The following LGSN variants were observed in gnomAD, a reference collection of about 807,000 sequenced individuals.
LGSN encodes the protein lengsin.
LGSN carries 21 observed loss-of-function variants against 19.5 expected under a neutral mutation model. That is an observed-to-expected ratio of 1.07 (90% CI 0.76 to 1.55). The LOEUF is 1.55. LGSN is among the 40% of genes most tolerant of loss of function. The probability of loss-of-function intolerance (pLI) is 0.00; values close to 1 mark genes in which losing one functional copy is unlikely to be tolerated. For synonymous variants in LGSN, 257 were observed against 215.6 expected, an observed-to-expected ratio of 1.19 and a Z score of -1.68; for missense variants, 673 against 608.5, an observed-to-expected ratio of 1.11 and a Z score of -1.12.
At chr6:63,388,618 C>T in the LGSN span, among the ~76,000 whole-genome samples, 2 of 152,174 alleles carry the variant, frequency 1.3e-5, no homozygotes, top group Non-Finnish European at 2.9e-5. Flanking sequence ...ACCCTGCCAA[C>T]ACCTTCATCT....
At chr6:63,503,121 T>C in the LGSN span, among the ~76,000 whole-genome samples, 2 of 152,230 alleles carry the variant, frequency 1.3e-5, no homozygotes, top group African/African-American at 2.4e-5. Flanking sequence ...TCATCATGAG[T>C]AAATTTTTTT....
intron 1 of LGSN, among the ~76,000 whole-genome samples, chr6:63,308,528 A>G (rs1436055303): frequency 6.6e-6 from 1 of 152,128 alleles, no homozygotes; most frequent in Non-Finnish European, 1.5e-5. Flanking sequence ...TTCCAATATA[A>G]TAATGAGTTA....
At chr6:63,327,416 C>A in the LGSN span, among the ~76,000 whole-genome samples, 4 of 152,172 alleles carry the variant, frequency 2.6e-5, no homozygotes, top group South Asian at 2.1e-4. Context: ...ATTTCGGAAG[C>A]CTTTTCCTGT....
chr6:63,550,674 G>A, the LGSN span, among the ~76,000 whole-genome samples: 1 of 152,132 alleles, frequency 6.6e-6, no homozygotes, highest in East Asian at 1.9e-4. Flanking sequence ...GCCCAGGCTG[G>A]AGTGCAGTGG....
the LGSN span, among the ~76,000 whole-genome samples, chr6:63,349,792 A>C: frequency 2.9e-3 from 449 of 152,328 alleles, 3 homozygotes; most frequent in African/African-American, 0.01. Flanking sequence ...GATGAGATGT[A>C]CTAACGACGT....
chr6:63,537,965 C>T, the LGSN span, among the ~76,000 whole-genome samples: 3 of 152,192 alleles, frequency 2.0e-5, no homozygotes, highest in African/African-American at 7.2e-5. Flanking sequence ...GTGTCACAGA[C>T]AAATTTCACT....
At chr6:63,460,498 G>A in the LGSN span, among the ~76,000 whole-genome samples, 15 of 151,990 alleles carry the variant, frequency 9.9e-5, no homozygotes, top group African/African-American at 1.9e-4. Flanking sequence ...TTAAATTGAC[G>A]TCCTTTACTC....
At chr6:63,495,469 T>TTTTTGTTTTTG in the LGSN span, among the ~76,000 whole-genome samples, 7 of 119,306 alleles carry the variant, frequency 5.9e-5, no homozygotes, top group Admixed American at 1.0e-4. Flanking sequence ...TTTTTTTTTT[T>TTTTTGTTTTTG]TTTTTTTGAG....
chr6:63,414,114 T>C, the LGSN span, among the ~76,000 whole-genome samples: 2 of 152,172 alleles, frequency 1.3e-5, no homozygotes, highest in East Asian at 3.8e-4. Context: ...CACAACATCT[T>C]AGCCTCAAGA....
chr6:63,560,774 T>C, the LGSN span, among the ~76,000 whole-genome samples: 1 of 152,164 alleles, frequency 6.6e-6, no homozygotes, highest in East Asian at 1.9e-4. Context: ...TAAAAGTTTT[T>C]AAATGCTTGC....
chr6:63,491,759 G>T, the LGSN span, among the ~76,000 whole-genome samples: 1 of 152,144 alleles, frequency 6.6e-6, no homozygotes, highest in Non-Finnish European at 1.5e-5. Flanking sequence ...GGCCGGGCGC[G>T]GTGGCTCACG....
chr6:63,492,928 T>G, the LGSN span, among the ~76,000 whole-genome samples: 1 of 152,162 alleles, frequency 6.6e-6, no homozygotes, highest in Admixed American at 6.5e-5. Flanking sequence ...GAGAAAGAAA[T>G]GTCATTTTTG....
chr6:63,320,952 G>C (rs1041916787), upstream of LGSN, among the ~76,000 whole-genome samples: 3 of 152,050 alleles, frequency 2.0e-5, no homozygotes, highest in African/African-American at 7.2e-5. Context: ...ATTGGTACTT[G>C]TTCCATGACT....
intron 1 of LGSN, among the ~76,000 whole-genome samples, chr6:63,307,811 T>C (rs1020286117): frequency 2.0e-5 from 3 of 152,200 alleles, no homozygotes; most frequent in Non-Finnish European, 4.4e-5. Flanking sequence ...GTGACTTTCA[T>C]TGGGTCAGGC....
the LGSN span, among the ~76,000 whole-genome samples, chr6:63,509,538 TAC>T: frequency 6.6e-6 from 1 of 152,200 alleles, no homozygotes; most frequent in African/African-American, 2.4e-5. Flanking sequence ...ATATTAATTA[TAC>T]CTTTTAGTTT....
chr6:63,542,292 T>C, the LGSN span, among the ~76,000 whole-genome samples: 4 of 151,574 alleles, frequency 2.6e-5, no homozygotes, highest in East Asian at 7.8e-4. Flanking sequence ...GGGAAGAGGG[T>C]GAGGGATGAA....
chr6:63,397,470 A>G, the LGSN span, among the ~76,000 whole-genome samples: 1 of 151,816 alleles, frequency 6.6e-6, no homozygotes, highest in Non-Finnish European at 1.5e-5. Flanking sequence ...AAAAAAACAC[A>G]TAAGGGCAAA....
At chr6:63,537,163 G>C in the LGSN span, among the ~76,000 whole-genome samples, 1 of 152,256 alleles carries the variant, frequency 6.6e-6, no homozygotes, top group South Asian at 2.1e-4. Flanking sequence ...CCATTCTTAA[G>C]TTTACAAGTA....
the LGSN span, among the ~76,000 whole-genome samples, chr6:63,511,964 A>C: frequency 0.54 from 81,472 of 151,992 alleles, 23,657 homozygotes; most frequent in African/African-American, 0.77. Context: ...AAAAAATTAA[A>C]AGTGGTGAAA....
Sources: gnomAD v4.1 joint callset for allele counts (sites outside exome capture counted in the v4.1 genomes callset) on GRCh38, gnomAD v4.1.1 for gene constraint, MANE v1.5 for transcripts, NCBI Gene and HGNC (gene_info 2026-07-23, HGNC 2026-07-21) for gene names.